CNST: variants seen among roughly 807,000 people sequenced by gnomAD.
The protein encoded by CNST is consortin, connexin sorting protein.
CNST carries 39 observed loss-of-function variants against 72.4 expected under a neutral mutation model. That is an observed-to-expected ratio of 0.54 (90% CI 0.42 to 0.70). The LOEUF (loss-of-function observed/expected upper bound fraction) is 0.70. Ranked by LOEUF, CNST falls within the 30% of genes least tolerant of loss-of-function variation. The pLI, the probability that CNST is intolerant of heterozygous loss-of-function variation, is 0.00. For synonymous variants in CNST, 332 were observed against 320.1 expected, an observed-to-expected ratio of 1.04 and a Z score of -0.40; for missense variants, 871 against 868.5, an observed-to-expected ratio of 1.00 and a Z score of -0.04.
At position 246,634,412 on chromosome 1, in the gene CNST, G is replaced by T. The variant is rs201669819; in HGVS notation, c.704-61G>T. ...AGTGGTGCTAGTTAACTGTTTGTTTGTTTTTTTGCTCCTAAATATGTTTTA... is the reference window on the plus strand; with the variant it reads ...AGTGGTGCTAGTTAACTGTTTGTTTTTTTTTTTGCTCCTAAATATGTTTTA... On this transcript the variant is annotated intron_variant, in intron 5 of 10. Coordinates refer to ENST00000366513, the MANE Select transcript of CNST (RefSeq NM_152609.3). 3 of 988,064 alleles carry T rather than the reference G, an allele frequency of 3.0e-6. No individual in the cohort carries two copies. Among genetic ancestry groups the T allele is most frequent in the Non-Finnish European group, 4.5e-6 (3 of 663,422 alleles). The allele number at this position is 988,064 out of a possible 1,614,324, so 61.2% of individuals were successfully genotyped here.
Position 246,647,353 on chromosome 1 carries a change from G to T in CNST, c.1152G>T (p.Pro384=). 1.9e-6 allele frequency: 3 copies of T among 1,614,160 alleles called. No individual in the cohort carries two copies. The highest frequency in any genetic ancestry group is 1.3e-5 in the African/African-American group (1 of 75,064). Residue 384 remains proline (P), a synonymous_variant, in exon 9 of 11, where the codon CCG becomes CCT. Coordinates refer to ENST00000366513, the MANE Select transcript of CNST (RefSeq NM_152609.3). ...HTQSSETAGS[P]SGPDSSEDAC... is the part of the protein sequence containing the mutation. ...AGTCCTCCGAGACAGCAGGGAGCCC[G>T]TCTGGGCCAGACTCTTCTGAGGATG...
chr1:246,635,124 C>G (rs1474802405), intron 6 of CNST, among the ~76,000 whole-genome samples: 12 of 151,962 alleles, frequency 7.9e-5, no homozygotes, highest in African/African-American at 2.9e-4. Flanking sequence ...TCTTTCATTC[C>G]TATTTGGTTA....
At chr1:246,653,592 A>G (rs1666611849) in intron 9 of CNST, among the ~76,000 whole-genome samples, 1 of 152,224 alleles carries the variant, frequency 6.6e-6, no homozygotes, top group Non-Finnish European at 1.5e-5. Flanking sequence ...CGCCCAAAGG[A>G]AAACCCAGGA....
chr1:246,647,081 C>T, intron 8 of CNST, 58 bp from the exon 9 acceptor site: 1 of 1,463,882 alleles, frequency 6.8e-7, no homozygotes, highest in East Asian at 2.3e-5. Context: ...CCCTTCTTTT[C>T]CTTCCTATAC....
rs1491252940 is a variant in CNST, at chr1:246,642,132, G to GTTTTTTT, written c.937+95_937+96insTTTTTTT. On this transcript the variant is annotated intron_variant, in intron 8 of 10. Transcript: ENST00000366513. ...ACATCTGAATTGCTGCAAAGGATCT[G>GTTTTTTT]GTTTTTTTTTTTTTTTTTTTTTGCA... The GTTTTTTT allele has an allele frequency of 5.7e-3, 1,122 of 198,238 alleles. 185 individuals are homozygous for GTTTTTTT. Among genetic ancestry groups the GTTTTTTT allele is most frequent in the African/African-American group, 0.055 (1,038 of 18,718 alleles). 12.3% of individuals were successfully genotyped at this position (198,238 alleles called of 1,614,324 possible).
intron 2 of CNST, among the ~76,000 whole-genome samples, chr1:246,594,651 C>T (rs1309683113): frequency 1.3e-5 from 2 of 152,200 alleles, no homozygotes. Flanking sequence ...CACCTGTAGT[C>T]CCAGCTACTT....
rs534308795 is a variant in CNST, at chr1:246,667,172, C to T, written c.*1267C>T. On this transcript the variant is annotated 3_prime_UTR_variant, in exon 11 of 11. Transcript: ENST00000366513. ...ACCAAACATGAATTATAGTTTTTAA[C>T]AAGTGATCTTTATTTCCTGTCTTCT... is the stretch of plus-strand genomic sequence containing the variant. 5.9e-5 allele frequency: 9 copies of T among 151,876 alleles called. No individual in the cohort carries two copies. The highest frequency in any genetic ancestry group is 2.2e-4 in the African/African-American group (9 of 41,450). 9.4% of individuals were successfully genotyped at this position (151,876 alleles called of 1,614,324 possible). A position where few individuals can be genotyped will look rare whatever the true frequency, so the allele number is the denominator to read the frequency against.
chr1:246,648,315 G>A, intron 9 of CNST: 13 of 838,376 alleles, frequency 1.6e-5, no homozygotes, highest in Non-Finnish European at 1.8e-5. Context: ...AGTCCTGACT[G>A]TTATGTGGCA....
chr1:246,663,467 G>A (rs576397632), intron 10 of CNST, among the ~76,000 whole-genome samples: 25 of 152,188 alleles, frequency 1.6e-4, no homozygotes, highest in Middle Eastern at 3.4e-3. Flanking sequence ...TAGACTGGGC[G>A]TGGTGGCTTA....
chr1:246,664,150 A>G (rs1269954571), intron 10 of CNST, among the ~76,000 whole-genome samples: 1 of 152,246 alleles, frequency 6.6e-6, no homozygotes, highest in African/African-American at 2.4e-5. Context: ...ACTTCATTCT[A>G]TTAAATACTT....
chr1:246,647,035 G>C, intron 8 of CNST, 104 bp from the exon 9 acceptor site: 1 of 1,035,452 alleles, frequency 9.7e-7, no homozygotes, highest in Non-Finnish European at 1.4e-6. Context: ...CATTTGAAAG[G>C]GTTAGAATAT....
intron 9 of CNST, among the ~76,000 whole-genome samples, chr1:246,655,232 T>C (rs1468364613): frequency 6.6e-6 from 1 of 152,126 alleles, no homozygotes; most frequent in East Asian, 1.9e-4. Context: ...TTTAAAGGCT[T>C]TTTCCTTTTT....
At chr1:246,658,701 G>C (rs1360616929) in intron 9 of CNST, among the ~76,000 whole-genome samples, 4 of 152,160 alleles carry the variant, frequency 2.6e-5, no homozygotes, top group South Asian at 4.1e-4. Flanking sequence ...CCTCAGCTTA[G>C]TCACTGAGGC....
At chr1:246,607,133 A>AT (rs1662905945) in intron 2 of CNST, 1 of 152,052 alleles carries the variant, frequency 6.6e-6, no homozygotes, top group South Asian at 2.1e-4. Context: ...CTGCGGCACG[A>AT]TGGGTTTTAT....
chr1:246,608,082 AAAAC>A (rs1209063423), intron 2 of CNST: 1 of 152,216 alleles, frequency 6.6e-6, no homozygotes, highest in Non-Finnish European at 1.5e-5. Flanking sequence ...TCCGTCTCAA[AAAAC>A]AAAACAACAA....
chr1:246,630,320 A>G lies in CNST; in HGVS notation c.586-1574A>G, dbSNP rs183996296. 9.2e-5 allele frequency among the ~76,000 whole-genome samples: 14 copies of G among 152,340 alleles called. No individual in the cohort carries two copies. In the East Asian group the frequency reaches 2.7e-3, roughly 29 times the overall value. ...GAAATGGTTGAAGATTGGCAGTTTG[A>G]CTTGGTTCATACTACTTTTAAAACA... On this transcript the variant is annotated intron_variant, in intron 3 of 10. Coordinates refer to ENST00000366513, the MANE Select transcript of CNST (RefSeq NM_152609.3).
chr1:246,641,445 G>T (rs1665683957), intron 6 of CNST, among the ~76,000 whole-genome samples: 4 of 152,180 alleles, frequency 2.6e-5, no homozygotes, highest in South Asian at 4.1e-4. Flanking sequence ...ATATGTGTGT[G>T]TGAAATCGTC....
intron 2 of CNST, among the ~76,000 whole-genome samples, chr1:246,614,898 T>G (rs942641940): frequency 6.6e-6 from 1 of 152,204 alleles, no homozygotes; most frequent in African/African-American, 2.4e-5. Flanking sequence ...CTTAGTGATA[T>G]TCACAGAGCA....
chr1:246,619,517 G>T (rs1367740620), intron 2 of CNST, among the ~76,000 whole-genome samples: 1 of 152,158 alleles, frequency 6.6e-6, no homozygotes, highest in Admixed American at 6.5e-5. Flanking sequence ...AATAGAAGAT[G>T]ACATCTTAAA....
Sources: gnomAD v4.1 joint callset for allele counts (sites outside exome capture counted in the v4.1 genomes callset) on GRCh38, gnomAD v4.1.1 for gene constraint, MANE v1.5 for transcripts, NCBI Gene and HGNC (gene_info 2026-07-23, HGNC 2026-07-21) for gene names.